FANCB: variants seen among roughly 807,000 people sequenced by gnomAD.
FANCB encodes FA complementation group B, also known as Fanconi anemia group B protein.
FANCB carries 5 observed loss-of-function variants against 38.9 expected under a neutral mutation model. The observed-to-expected ratio is 0.13, with a 90% confidence interval of 0.07 to 0.27. The LOEUF is 0.27. Ranked by LOEUF, FANCB falls within the 10% of genes least tolerant of loss-of-function variation. The pLI is 1.00. For missense variants in FANCB, 573 were observed against 602.7 expected, an observed-to-expected ratio of 0.95 and a Z score of 0.52; for synonymous variants, 236 against 215.4, an observed-to-expected ratio of 1.10 and a Z score of -0.84.
the FANCB span, among the ~76,000 whole-genome samples, chrX:14,715,430 AT>A: frequency 1.8e-5 from 2 of 112,360 alleles, no homozygotes; most frequent in South Asian, 7.4e-4. Flanking sequence ...ATGTAGGAAG[AT>A]TCAGCCAAGT....
At chrX:14,778,306 T>A in the FANCB span, among the ~76,000 whole-genome samples, 2 of 111,603 alleles carry the variant, frequency 1.8e-5, no homozygotes, top group African/African-American at 6.5e-5. Flanking sequence ...GAGAAAGTGC[T>A]ACTAGGATGT....
the FANCB span, chrX:14,730,975 G>C: frequency 4.4e-5 from 5 of 112,765 alleles, no homozygotes; most frequent in Non-Finnish European, 7.1e-5. Flanking sequence ...TTAACCATCT[G>C]ACCATAGTGA....
chrX:14,828,045 C>A, the FANCB span, among the ~76,000 whole-genome samples: 2 of 112,288 alleles, frequency 1.8e-5, no homozygotes, highest in Non-Finnish European at 3.8e-5. Context: ...CTTTAGTCTA[C>A]TAAGTGTATA....
At chrX:14,700,684 G>C in the FANCB span, among the ~76,000 whole-genome samples, 2 of 111,045 alleles carry the variant, frequency 1.8e-5, no homozygotes, top group Non-Finnish European at 3.8e-5. Context: ...GTAGTGAAGT[G>C]GACAGTGAGG....
the FANCB span, among the ~76,000 whole-genome samples, chrX:14,793,754 G>A: frequency 8.9e-6 from 1 of 111,928 alleles, no homozygotes; most frequent in African/African-American, 3.2e-5. Flanking sequence ...AAAGTGGAGT[G>A]TGATTTTTCT....
chrX:14,781,016 G>A, the FANCB span, among the ~76,000 whole-genome samples: 1 of 109,374 alleles, frequency 9.1e-6, no homozygotes, highest in Non-Finnish European at 1.9e-5. Flanking sequence ...AACATGGAGA[G>A]AGAAAAGGAA....
the FANCB span, among the ~76,000 whole-genome samples, chrX:14,727,447 C>T: frequency 8.9e-6 from 1 of 112,097 alleles, no homozygotes; most frequent in Non-Finnish European, 1.9e-5. Context: ...GGCATCATTT[C>T]TACTTCACAC....
the FANCB span, among the ~76,000 whole-genome samples, chrX:14,769,797 T>C: frequency 1.8e-5 from 2 of 112,073 alleles, no homozygotes; most frequent in African/African-American, 6.5e-5. Context: ...TTTAGTGCTA[T>C]AAATTTTCTT....
the FANCB span, among the ~76,000 whole-genome samples, chrX:14,772,239 G>A: frequency 1.8e-5 from 2 of 109,875 alleles, no homozygotes; most frequent in East Asian, 2.9e-4. Context: ...GATGGTGGCC[G>A]CTCTCTCCCT....
At chrX:14,856,030 T>G (rs1156278098) in intron 5 of FANCB, among the ~76,000 whole-genome samples, 2 of 112,304 alleles carry the variant, frequency 1.8e-5, no homozygotes, top group Non-Finnish European at 3.8e-5. Context: ...AAATTAAGCC[T>G]TTCATAAAGT....
chrX:14,698,433 C>T, the FANCB span, among the ~76,000 whole-genome samples: 4 of 109,585 alleles, frequency 3.7e-5, no homozygotes, highest in African/African-American at 6.7e-5. Context: ...AATCCCAGCA[C>T]TTTGGGAGGC....
chrX:14,739,178 G>A, the FANCB span, among the ~76,000 whole-genome samples: 2 of 111,653 alleles, frequency 1.8e-5, no homozygotes, highest in Non-Finnish European at 3.8e-5. Context: ...TTTTTTCATA[G>A]ATTATAAAGT....
chrX:14,697,466 G>A, the FANCB span, among the ~76,000 whole-genome samples: 1 of 110,474 alleles, frequency 9.1e-6, no homozygotes, highest in East Asian at 2.8e-4. Context: ...TGGTGAAATC[G>A]AAAAAATAAT....
chrX:14,696,325 C>T, the FANCB span, among the ~76,000 whole-genome samples: 3 of 109,588 alleles, frequency 2.7e-5, no homozygotes, highest in Non-Finnish European at 3.8e-5. Flanking sequence ...GGGGAAAACA[C>T]GGAAGAGACA....
downstream of FANCB, among the ~76,000 whole-genome samples, chrX:14,841,520 G>C (rs752844170): frequency 1.5e-4 from 17 of 111,987 alleles, no homozygotes; most frequent in Admixed American, 3.8e-4. Context: ...GACAATAGGA[G>C]AGTCACTTGT....
intron 4 of FANCB, among the ~76,000 whole-genome samples, chrX:14,858,914 ATAAAGT>A (rs2092434563): frequency 9.0e-6 from 1 of 111,730 alleles, no homozygotes; most frequent in African/African-American, 3.2e-5. Flanking sequence ...AGAAGCAAAA[ATAAAGT>A]TAATTTATAG....
the FANCB span, among the ~76,000 whole-genome samples, chrX:14,776,105 G>A: frequency 1.4e-5 from 1 of 73,815 alleles, no homozygotes; most frequent in Admixed American, 1.9e-4. Context: ...GATAGCTCTC[G>A]AAATCACTGG....
the FANCB span, among the ~76,000 whole-genome samples, chrX:14,800,825 C>T: frequency 8.9e-6 from 1 of 111,917 alleles, no homozygotes; most frequent in African/African-American, 3.2e-5. Flanking sequence ...CTTCCTTGAT[C>T]TCCAATTTCC....
the FANCB span, among the ~76,000 whole-genome samples, chrX:14,824,393 G>A: frequency 8.9e-6 from 1 of 111,921 alleles, no homozygotes; most frequent in Non-Finnish European, 1.9e-5. Flanking sequence ...TTATGTTTAT[G>A]AGATTAATCC....
Sources: allele counts gnomAD v4.1 joint callset (sites outside exome capture counted in the v4.1 genomes callset), GRCh38; gene constraint gnomAD v4.1.1; transcripts MANE v1.5; gene names NCBI Gene and HGNC (gene_info 2026-07-23, HGNC 2026-07-21).